TBC1D5: variants seen among roughly 807,000 people sequenced by gnomAD.
TBC1D5 encodes TBC1 domain family member 5, also known as TBC1 domain family, member 5.
TBC1D5 carries 75 observed loss-of-function variants against 100.3 expected under a neutral mutation model. That is an observed-to-expected ratio of 0.75 (90% confidence interval 0.62 to 0.91). The LOEUF (loss-of-function observed/expected upper bound fraction) is 0.91. TBC1D5 is among the 40% of genes least tolerant of loss of function. The pLI, the probability that TBC1D5 is intolerant of heterozygous loss-of-function variation, is 0.00. For missense variants in TBC1D5, 910 were observed against 942.4 expected (o/e 0.97, Z 0.45); for synonymous variants, 323 against 325.6 (o/e 0.99, Z 0.09).
intron 17 of TBC1D5, among the ~76,000 whole-genome samples, chr3:17,216,550 C>T (rs1251153221): frequency 1.3e-5 from 2 of 152,006 alleles, no homozygotes. Flanking sequence ...CTTGAAGGAC[C>T]CCTGAGGTTA....
intron 3 of TBC1D5, among the ~76,000 whole-genome samples, chr3:17,430,574 C>T (rs574270286): frequency 6.6e-6 from 1 of 151,634 alleles, no homozygotes; most frequent in South Asian, 2.1e-4. Flanking sequence ...ACAATTGTTT[C>T]ACTAACAATA....
chr3:17,549,969 T>G (rs1329816915), intron 2 of TBC1D5, among the ~76,000 whole-genome samples: 1 of 150,446 alleles, frequency 6.6e-6, no homozygotes, highest in East Asian at 1.9e-4. Context: ...ATAAGAATAA[T>G]AATAATAATG....
intron 12 of TBC1D5, among the ~76,000 whole-genome samples, chr3:17,372,836 C>T (rs1258767806): frequency 6.6e-6 from 1 of 152,252 alleles, no homozygotes; most frequent in South Asian, 2.1e-4. Flanking sequence ...TAGCTTTTAC[C>T]TTCTACAACC....
At chr3:17,322,314 G>C (rs761981644) in intron 13 of TBC1D5, among the ~76,000 whole-genome samples, 2 of 152,130 alleles carry the variant, frequency 1.3e-5, no homozygotes, top group Non-Finnish European at 2.9e-5. Flanking sequence ...TTTGCATTAG[G>C]AGTGATTTTC....
At chr3:17,593,162 GT>G (rs1465971319) in intron 2 of TBC1D5, among the ~76,000 whole-genome samples, 1 of 152,134 alleles carries the variant, frequency 6.6e-6, no homozygotes, top group Non-Finnish European at 1.5e-5. Context: ...CTCATGGGGA[GT>G]TCCCTATGAT....
chr3:17,272,428 T>C (rs1351711451), intron 15 of TBC1D5, among the ~76,000 whole-genome samples: 2 of 152,186 alleles, frequency 1.3e-5, no homozygotes, highest in African/African-American at 2.4e-5. Context: ...AGCTTAAATA[T>C]GCCACAAATG....
At chr3:17,443,380 A>T (rs1455791239) in intron 3 of TBC1D5, among the ~76,000 whole-genome samples, 1 of 152,218 alleles carries the variant, frequency 6.6e-6, no homozygotes, top group Non-Finnish European at 1.5e-5. Flanking sequence ...CACGTGCTGG[A>T]TACCATAACT....
intron 1 of TBC1D5, among the ~76,000 whole-genome samples, chr3:17,631,370 A>C (rs2063498179): frequency 6.6e-6 from 1 of 152,242 alleles, no homozygotes; most frequent in Non-Finnish European, 1.5e-5. Context: ...TGAAAAAAAG[A>C]AGCCTTCTCT....
intron 16 of TBC1D5, among the ~76,000 whole-genome samples, chr3:17,245,149 C>T (rs969037184): frequency 2.6e-5 from 4 of 151,868 alleles, no homozygotes; most frequent in Admixed American, 2.0e-4. Context: ...GCTGTGATCA[C>T]ACCAGTGCGT....
chr3:17,392,259 G>A (rs2093372080), intron 8 of TBC1D5, among the ~76,000 whole-genome samples: 1 of 151,864 alleles, frequency 6.6e-6, no homozygotes, highest in South Asian at 2.1e-4. Context: ...AATTTACTAA[G>A]TAATCAATGA....
intron 2 of TBC1D5, among the ~76,000 whole-genome samples, chr3:17,530,718 A>G (rs2096209694): frequency 6.6e-6 from 1 of 152,188 alleles, no homozygotes; most frequent in Non-Finnish European, 1.5e-5. Context: ...TATAAACAGA[A>G]CCAAAGACAA....
intron 1 of TBC1D5, among the ~76,000 whole-genome samples, chr3:17,626,471 T>C (rs73028330): frequency 0.022 from 3,341 of 152,292 alleles, 63 homozygotes; most frequent in Non-Finnish European, 0.034. Flanking sequence ...GTCCCTGCTT[T>C]CTTAACACTT....
At chr3:17,215,057 T>C (rs2073462223) in intron 17 of TBC1D5, among the ~76,000 whole-genome samples, 1 of 151,590 alleles carries the variant, frequency 6.6e-6, no homozygotes, top group South Asian at 2.1e-4. Context: ...TCAGAACAGG[T>C]AGGGATTTGT....
At chr3:17,657,644 C>T (rs933203049) in intron 1 of TBC1D5, among the ~76,000 whole-genome samples, 8 of 152,116 alleles carry the variant, frequency 5.3e-5, no homozygotes, top group African/African-American at 1.9e-4. Flanking sequence ...CGGACAAATT[C>T]TTTCTTTAGC....
chr3:17,208,619 A>G (rs1344940202), intron 18 of TBC1D5, among the ~76,000 whole-genome samples: 1 of 152,250 alleles, frequency 6.6e-6, no homozygotes, highest in Non-Finnish European at 1.5e-5. Context: ...TAAATTTTGA[A>G]TGATTACTTG....
At chr3:17,209,563 C>A (rs2072688456) in intron 18 of TBC1D5, among the ~76,000 whole-genome samples, 1 of 152,194 alleles carries the variant, frequency 6.6e-6, no homozygotes, top group African/African-American at 2.4e-5. Flanking sequence ...GCACATAGTT[C>A]CCACGCTCCA....
chr3:17,573,774 C>A (rs1190947027), intron 2 of TBC1D5, among the ~76,000 whole-genome samples: 1 of 151,990 alleles, frequency 6.6e-6, no homozygotes, highest in Non-Finnish European at 1.5e-5. Flanking sequence ...TCCATCCCAA[C>A]CTCCAAGCTG....
intron 3 of TBC1D5, among the ~76,000 whole-genome samples, chr3:17,490,313 C>A (rs1450983267): frequency 6.6e-6 from 1 of 152,006 alleles, no homozygotes; most frequent in Non-Finnish European, 1.5e-5. Flanking sequence ...ATAGTTTCTT[C>A]TGCTGTGCAG....
At chr3:17,651,943 A>G (rs1212826837) in intron 1 of TBC1D5, among the ~76,000 whole-genome samples, 1 of 152,172 alleles carries the variant, frequency 6.6e-6, no homozygotes, top group Non-Finnish European at 1.5e-5. Context: ...TGCAGAGGAC[A>G]TCGGATCTTC....
Sources: gnomAD v4.1 joint callset for allele counts (sites outside exome capture counted in the v4.1 genomes callset) on GRCh38, gnomAD v4.1.1 for gene constraint, MANE v1.5 for transcripts, NCBI Gene and HGNC (gene_info 2026-07-23, HGNC 2026-07-21) for gene names.